ZBTB8A: variants seen among roughly 807,000 people sequenced by gnomAD.
The protein encoded by ZBTB8A is zinc finger and BTB domain-containing protein 8A.
In ZBTB8A, 19 loss-of-function variants were observed where a neutral mutation model predicts 37.8. That is an observed-to-expected ratio of 0.50 (90% CI 0.35 to 0.74). The LOEUF (loss-of-function observed/expected upper bound fraction) is 0.74, where lower values mean the gene tolerates loss of function less well. ZBTB8A is among the 30% of genes least tolerant of loss of function. ZBTB8A has a pLI of 0.01. For synonymous variants in ZBTB8A, 181 were observed against 185.2 expected (o/e 0.98, Z 0.19); for missense variants, 394 against 537.8 (o/e 0.73, Z 2.65).
chr1:32,567,825 A>AAAAACAAAAC (rs376645237), intron 2 of ZBTB8A, among the ~76,000 whole-genome samples: 4 of 63,676 alleles, frequency 6.3e-5, no homozygotes, highest in East Asian at 1.1e-3. Flanking sequence ...AAAAAAAAAC[A>AAAAACAAAAC]AAAACAAAAC....
intron 4 of ZBTB8A, 113 bp from the exon 5 acceptor site, chr1:32,599,974 T>C (rs1202626854): frequency 1.3e-6 from 1 of 771,680 alleles, no homozygotes; most frequent in African/African-American, 1.8e-5. Context: ...TAGATGTTAA[T>C]TTGAGTTTAA....
chr1:32,555,903 T>A (rs967862168), intron 2 of ZBTB8A, among the ~76,000 whole-genome samples: 21 of 151,934 alleles, frequency 1.4e-4, no homozygotes, highest in Admixed American at 5.2e-4. Flanking sequence ...TAAAAAAAAA[T>A]TTAATTTTAA....
chr1:32,598,663 A>G (rs888801771), intron 4 of ZBTB8A, among the ~76,000 whole-genome samples: 3 of 152,178 alleles, frequency 2.0e-5, no homozygotes, highest in African/African-American at 4.8e-5. Context: ...ATTAGAACCC[A>G]TAATCTACTG....
rs555547400 is a variant in ZBTB8A, at chr1:32,583,862, A to C, written c.-1-9069A>C. Among the ~76,000 whole-genome samples, 824 of 151,804 alleles carry C rather than the reference A, an allele frequency of 5.4e-3. 3 individuals carry two copies. The highest frequency in any genetic ancestry group is 9.4e-3 in the Non-Finnish European group (641 of 67,912). ...AGGTTCAAGCGATTCTCCTCCCTCAACCTCCCGAGTAGCTGGAATTACAGA... is the reference window on the plus strand; with the variant it reads ...AGGTTCAAGCGATTCTCCTCCCTCACCCTCCCGAGTAGCTGGAATTACAGA... On this transcript the variant is annotated intron_variant, in intron 2 of 4. Transcript: ENST00000373510.
intron 2 of ZBTB8A, among the ~76,000 whole-genome samples, chr1:32,581,719 T>A (rs187029430): frequency 6.6e-6 from 1 of 152,244 alleles, no homozygotes. Context: ...TACCTGAGAC[T>A]GGGTAATTCA....
intron 2 of ZBTB8A, among the ~76,000 whole-genome samples, chr1:32,565,705 A>G (rs941249783): frequency 1.3e-5 from 2 of 152,146 alleles, no homozygotes; most frequent in African/African-American, 4.8e-5. Flanking sequence ...ATGAGCTCAA[A>G]TTCATTTCCC....
chr1:32,558,468 C>CAA (rs1234228588), intron 2 of ZBTB8A, among the ~76,000 whole-genome samples: 1 of 151,740 alleles, frequency 6.6e-6, no homozygotes, highest in African/African-American at 2.4e-5. Context: ...CACACACACA[C>CAA]ACACACAAAT....
chr1:32,592,893 G>A (rs1199633486), intron 2 of ZBTB8A, 38 bp from the exon 3 acceptor site: 19 of 1,491,936 alleles, frequency 1.3e-5, no homozygotes, highest in Admixed American at 1.0e-4. Context: ...TAATTGTAAT[G>A]TAGGTTTTGG....
chr1:32,548,281 T>C (rs1054154926), intron 1 of ZBTB8A, among the ~76,000 whole-genome samples: 1 of 151,950 alleles, frequency 6.6e-6, no homozygotes, highest in East Asian at 1.9e-4. Context: ...TACATGAATA[T>C]GATGAAACCA....
intron 1 of ZBTB8A, among the ~76,000 whole-genome samples, chr1:32,546,153 G>C (rs1204415051): frequency 6.6e-6 from 1 of 152,158 alleles, no homozygotes; most frequent in Non-Finnish European, 1.5e-5. Flanking sequence ...CATAAAAATA[G>C]AGTAAAAGGG....
intron 2 of ZBTB8A, among the ~76,000 whole-genome samples, chr1:32,589,465 G>A (rs1260129732): frequency 6.6e-6 from 1 of 152,034 alleles, no homozygotes. Context: ...TGCTCAGGCT[G>A]GTCTAGAACT....
chr1:32,565,986 C>G (rs143669010), intron 2 of ZBTB8A, among the ~76,000 whole-genome samples: 20,029 of 151,598 alleles, frequency 0.13, 1,542 homozygotes, highest in African/African-American at 0.23. Flanking sequence ...CAGATCATGA[C>G]GTCAGGAGAT....
rs746391714 is a variant in ZBTB8A at position 32,580,948 on chromosome 1, G to A, written c.-1-11983G>A. Among the ~76,000 whole-genome samples, 194 of 150,330 alleles carry A rather than the reference G, an allele frequency of 1.3e-3. 1 individual carries two copies. The highest frequency in any genetic ancestry group is 2.4e-3 in the Non-Finnish European group (164 of 67,820). ...TAACTAACCCACTCCCAAGATAACG[G>A]CATTAATCCATGCATGAATGAGGTG... On this transcript the variant is annotated intron_variant, in intron 2 of 4. Transcript: ENST00000373510.
intron 1 of ZBTB8A, among the ~76,000 whole-genome samples, chr1:32,541,185 G>C (rs1191205412): frequency 1.3e-5 from 2 of 152,160 alleles, no homozygotes; most frequent in African/African-American, 4.8e-5. Context: ...CCACTTTTCT[G>C]CTCAAAATTG....
chr1:32,578,102 T>A (rs1222064040), intron 2 of ZBTB8A, among the ~76,000 whole-genome samples: 4 of 151,560 alleles, frequency 2.6e-5, no homozygotes, highest in Non-Finnish European at 5.9e-5. Context: ...TGAGATGGAG[T>A]CTTGCTCTGT....
intron 2 of ZBTB8A, among the ~76,000 whole-genome samples, chr1:32,553,952 C>A (rs950158839): frequency 6.7e-6 from 1 of 149,538 alleles, no homozygotes. Flanking sequence ...GTAATCCCAG[C>A]ACTTTGGGAG....
Position 32,554,198 on chromosome 1 carries a change from CAAAAAAAAAAAA to C in ZBTB8A, c.-2+667_-2+678del, listed in dbSNP as rs1017025736. 1.6e-4 allele frequency among the ~76,000 whole-genome samples: 8 copies of C among 50,202 alleles called. No homozygotes were observed. In the South Asian group the frequency reaches 4.1e-3, roughly 26 times the overall value. The allele number at this position is 50,202 out of a possible 152,430, so 32.9% of individuals were successfully genotyped here. A position where few individuals can be genotyped will look rare whatever the true frequency, so the allele number is the denominator to read the frequency against. ...CTGGGCAACAGAGCAAGACTGTCTCCAAAAAAAAAAAAAAAAAAAAGGGTAAAATTTTGTAGT... is the reference window on the plus strand; with the variant it reads ...CTGGGCAACAGAGCAAGACTGTCTCCAAAAAAAAGGGTAAAATTTTGTAGT... On this transcript the variant is annotated intron_variant, in intron 2 of 4. Transcript: ENST00000373510.
intron 2 of ZBTB8A, among the ~76,000 whole-genome samples, chr1:32,583,089 T>C (rs1276361824): frequency 3.3e-5 from 5 of 152,094 alleles, no homozygotes; most frequent in Admixed American, 1.3e-4. Context: ...ATTTTTTAAA[T>C]AACTGCTTAG....
At chr1:32,572,333 A>G (rs1377056629) in intron 2 of ZBTB8A, among the ~76,000 whole-genome samples, 1 of 151,854 alleles carries the variant, frequency 6.6e-6, no homozygotes, top group Non-Finnish European at 1.5e-5. Flanking sequence ...TTGATTTAAT[A>G]TAATTTAAAT....
Sources: gnomAD v4.1 joint callset for allele counts (sites outside exome capture counted in the v4.1 genomes callset) on GRCh38, gnomAD v4.1.1 for gene constraint, MANE v1.5 for transcripts, NCBI Gene and HGNC (gene_info 2026-07-23, HGNC 2026-07-21) for gene names.